ARMC8: variants seen among roughly 807,000 people sequenced by gnomAD.
ARMC8 encodes armadillo repeat-containing protein 8.
In ARMC8, 20 loss-of-function variants were observed where a neutral mutation model predicts 99.3. The observed-to-expected ratio is 0.20, with a 90% CI of 0.14 to 0.29. The LOEUF is 0.29. Ranked by LOEUF, ARMC8 falls within the 10% of genes least tolerant of loss-of-function variation. The probability of loss-of-function intolerance (pLI) is 1.00; values close to 1 mark genes in which losing one functional copy is unlikely to be tolerated. For synonymous variants in ARMC8, 263 were observed against 278.3 expected, an observed-to-expected ratio of 0.95 and a Z score of 0.55; for missense variants, 569 against 809.5, an observed-to-expected ratio of 0.70 and a Z score of 3.60.
chr3:138,285,575 A>G (rs2050329582), intron 19 of ARMC8, among the ~76,000 whole-genome samples: 1 of 152,064 alleles, frequency 6.6e-6, no homozygotes, highest in African/African-American at 2.4e-5. Context: ...CTGAACTTAT[A>G]CTTTCTTACT....
At chr3:138,205,959 C>G (rs2044351465) in intron 1 of ARMC8, among the ~76,000 whole-genome samples, 1 of 152,242 alleles carries the variant, frequency 6.6e-6, no homozygotes, top group African/African-American at 2.4e-5. Context: ...TTAAAATTTT[C>G]TAGCAGCCAT....
chr3:138,246,575 C>G, intron 12 of ARMC8: 4 of 985,532 alleles, frequency 4.1e-6, no homozygotes, highest in Non-Finnish European at 4.8e-6. Flanking sequence ...CCATTAGAAA[C>G]AGGAGAAGTA....
At chr3:138,188,527 A>G (rs770553415) in intron 1 of ARMC8, 1 of 1,613,976 alleles carries the variant, frequency 6.2e-7, no homozygotes, top group Non-Finnish European at 8.5e-7. Context: ...CGACTCTGAG[A>G]ATGGTCAGTT....
chr3:138,269,234 C>A (rs2048557934), intron 15 of ARMC8, among the ~76,000 whole-genome samples: 1 of 152,102 alleles, frequency 6.6e-6, no homozygotes, highest in Admixed American at 6.6e-5. Flanking sequence ...GAAATGTATA[C>A]CCCTTTTTCT....
intron 12 of ARMC8, among the ~76,000 whole-genome samples, chr3:138,259,662 G>T (rs1345754793): frequency 2.0e-5 from 3 of 152,136 alleles, no homozygotes; most frequent in African/African-American, 7.2e-5. Flanking sequence ...TATGATCTAA[G>T]AAGGGTCAAC....
chr3:138,199,480 T>G, intron 1 of ARMC8, among the ~76,000 whole-genome samples: 1 of 152,196 alleles, frequency 6.6e-6, no homozygotes, highest in East Asian at 1.9e-4. Flanking sequence ...GTGTTATCCT[T>G]TTTTGTTCCA....
rs534249192 is a variant in ARMC8, at chr3:138,292,183, G to A, written c.1988+1544G>A. 1.2e-4 allele frequency among the ~76,000 whole-genome samples: 19 copies of A among 152,176 alleles called. No homozygotes were observed. The South Asian group carries it at 3.1e-3, about 25-fold the overall frequency. The stretch of plus-strand genomic sequence containing the variant: ...CTCCCAGGTAGCTGGGATTACAGGC[G>A]CCTGCCACCACGCCCAGCTAATTTT... On this transcript the variant is annotated intron_variant, in intron 21 of 21. Transcript: ENST00000469044.
At chr3:138,271,501 C>T (rs546078961) in intron 16 of ARMC8, among the ~76,000 whole-genome samples, 2 of 152,344 alleles carry the variant, frequency 1.3e-5, no homozygotes, top group South Asian at 4.1e-4. Flanking sequence ...CTCTGACATG[C>T]ACAACTTTAA....
chr3:138,275,197 C>T (rs997720569), intron 18 of ARMC8, among the ~76,000 whole-genome samples: 19 of 152,100 alleles, frequency 1.2e-4, no homozygotes, highest in Admixed American at 1.2e-3. Flanking sequence ...AACACAGGAC[C>T]AGAGATACTG....
At chr3:138,255,455 G>T (rs1300381908) in intron 12 of ARMC8, among the ~76,000 whole-genome samples, 1 of 152,016 alleles carries the variant, frequency 6.6e-6, no homozygotes, top group East Asian at 1.9e-4. Flanking sequence ...GCCCGCCTTG[G>T]CCTCCCAAAG....
intron 6 of ARMC8, 168 bp downstream of exon 6, chr3:138,229,178 A>ATATATATATATATG (rs1576686064): frequency 3.4e-4 from 11 of 32,084 alleles, no homozygotes; most frequent in African/African-American, 9.7e-4. Context: ...ATATATATAT[A>ATATATATATATATG]TATATGTATA....
intron 6 of ARMC8, among the ~76,000 whole-genome samples, chr3:138,234,774 A>G (rs2108141342): frequency 6.6e-6 from 1 of 152,340 alleles, no homozygotes; most frequent in Admixed American, 6.5e-5. Flanking sequence ...TTGTGCCAAC[A>G]TAGCTTCTGG....
chr3:138,207,640 G>A (rs2044448338), intron 1 of ARMC8, among the ~76,000 whole-genome samples: 1 of 152,158 alleles, frequency 6.6e-6, no homozygotes, highest in Admixed American at 6.5e-5. Context: ...AAACTTACCT[G>A]TTTGTATTAT....
chr3:138,194,341 CTTT>C (rs34445278), intron 1 of ARMC8, among the ~76,000 whole-genome samples: 1 of 126,568 alleles, frequency 7.9e-6, no homozygotes, highest in African/African-American at 2.9e-5. Flanking sequence ...CTGCGCCCAG[CTTT>C]TTTTTTTTTT....
intron 14 of ARMC8, among the ~76,000 whole-genome samples, chr3:138,266,444 G>A (rs567120027): frequency 2.0e-5 from 3 of 152,174 alleles, no homozygotes; most frequent in East Asian, 3.9e-4. Context: ...TTATAGTTGA[G>A]GAATTCATGT....
At chr3:138,204,623 C>G (rs771810618) in intron 1 of ARMC8, among the ~76,000 whole-genome samples, 10 of 152,200 alleles carry the variant, frequency 6.6e-5, no homozygotes, top group Non-Finnish European at 1.3e-4. Flanking sequence ...GTGAACACCT[C>G]CATGTTCCTA....
In ARMC8 at chr3:138,245,418, T is replaced by C. The variant is rs978730118; in HGVS notation, c.1134+235T>C. 2.2e-6 allele frequency: 3 copies of C among 1,385,582 alleles called. No homozygotes were observed. The African/African-American group carries it at 4.4e-5, about 20-fold the overall frequency. 85.8% of individuals were successfully genotyped at this position (1,385,582 alleles called of 1,614,324 possible). Reference sequence around the variant, plus strand: ...AATGACAAATAACTGGCGTGCTTTTTTTTTGTGTCATTAATATGAATTATT... The same window carrying C: ...AATGACAAATAACTGGCGTGCTTTTCTTTTGTGTCATTAATATGAATTATT... On this transcript the variant is annotated intron_variant, in intron 12 of 21. Transcript: ENST00000469044.
intron 2 of ARMC8, among the ~76,000 whole-genome samples, chr3:138,213,785 T>G (rs745823824): frequency 7.2e-5 from 11 of 152,208 alleles, no homozygotes; most frequent in Non-Finnish European, 1.0e-4. Flanking sequence ...TGAAAGCTAC[T>G]TAAACAGTTT....
intron 12 of ARMC8, among the ~76,000 whole-genome samples, chr3:138,252,770 C>T (rs1453817289): frequency 8.2e-6 from 1 of 121,402 alleles, no homozygotes; most frequent in Non-Finnish European, 1.8e-5. Context: ...CCCACCCGGC[C>T]TAAATAGAAA....
Sources: gnomAD v4.1 joint callset for allele counts (sites outside exome capture counted in the v4.1 genomes callset) on GRCh38, gnomAD v4.1.1 for gene constraint, MANE v1.5 for transcripts, NCBI Gene and HGNC (gene_info 2026-07-23, HGNC 2026-07-21) for gene names.